The following MSRA variants were observed in gnomAD, a reference collection of about 807,000 sequenced individuals.
The protein encoded by MSRA is methionine sulfoxide reductase A.
A neutral mutation model predicts 31.3 loss-of-function variants in MSRA; 54 were observed. The observed-to-expected ratio is 1.73, with a 90% CI of 1.39 to 2.17. The LOEUF (loss-of-function observed/expected upper bound fraction) is 2.17. Among genes scored for constraint, MSRA ranks in the 30% most tolerant of loss-of-function variants. MSRA has a pLI of 0.00. For missense variants in MSRA, 507 were observed against 300.9 expected, an observed-to-expected ratio of 1.69 and a Z score of -5.07; for synonymous variants, 169 against 116.5, an observed-to-expected ratio of 1.45 and a Z score of -2.90.
intron 3 of MSRA, among the ~76,000 whole-genome samples, chr8:10,286,395 T>C (rs553862775): frequency 2.0e-5 from 3 of 152,172 alleles, no homozygotes; most frequent in Non-Finnish European, 4.4e-5. Flanking sequence ...AAGGGGAGTT[T>C]CCCTGCACAA....
chr8:10,213,668 C>A (rs1190898313), intron 2 of MSRA, among the ~76,000 whole-genome samples: 3 of 151,902 alleles, frequency 2.0e-5, no homozygotes, highest in African/African-American at 4.8e-5. Flanking sequence ...GATCTCCTGA[C>A]CTCGTGATCT....
At chr8:10,244,948 C>T (rs995228005) in intron 2 of MSRA, among the ~76,000 whole-genome samples, 156 bp from the exon 3 acceptor site, 1 of 152,040 alleles carries the variant, frequency 6.6e-6, no homozygotes, top group African/African-American at 2.4e-5. Flanking sequence ...GTTAAGAACT[C>T]TCCTTCTTTA....
intron 5 of MSRA, among the ~76,000 whole-genome samples, chr8:10,356,156 G>T (rs1240362921): frequency 6.6e-6 from 1 of 152,216 alleles, no homozygotes; most frequent in African/African-American, 2.4e-5. Context: ...GGTAACGGTA[G>T]TTGGCAGCCT....
chr8:10,201,088 A>G (rs532336228), intron 1 of MSRA, among the ~76,000 whole-genome samples: 1 of 152,242 alleles, frequency 6.6e-6, no homozygotes, highest in South Asian at 2.1e-4. Context: ...AGAAACAGAT[A>G]AGAAGAGGGA....
chr8:10,154,373 T>C (rs538910636), intron 1 of MSRA, among the ~76,000 whole-genome samples: 3 of 152,096 alleles, frequency 2.0e-5, no homozygotes, highest in South Asian at 2.1e-4. Flanking sequence ...GTTTTTTTTT[T>C]CTTTTCTTTC....
chr8:10,254,614 ACAG>A (rs1463290609), intron 3 of MSRA, among the ~76,000 whole-genome samples: 1 of 152,126 alleles, frequency 6.6e-6, no homozygotes, highest in Non-Finnish European at 1.5e-5. Flanking sequence ...TGCCCCTTAC[ACAG>A]GTGCCAGGGG....
intron 1 of MSRA, among the ~76,000 whole-genome samples, chr8:10,094,642 A>T (rs1314786020): frequency 2.0e-5 from 3 of 152,204 alleles, no homozygotes; most frequent in Admixed American, 2.0e-4. Context: ...CTATGAAACG[A>T]TGATTCTAGA....
chr8:10,278,112 T>C (rs1389310335), intron 3 of MSRA, among the ~76,000 whole-genome samples: 1 of 152,198 alleles, frequency 6.6e-6, no homozygotes, highest in Non-Finnish European at 1.5e-5. Flanking sequence ...TTATTTATTC[T>C]ACAGATATCA....
intron 1 of MSRA, among the ~76,000 whole-genome samples, chr8:10,086,589 C>G (rs903049443): frequency 6.6e-6 from 1 of 152,168 alleles, no homozygotes; most frequent in African/African-American, 2.4e-5. Context: ...ACCTATTTTC[C>G]TCCAAAGCTT....
intron 5 of MSRA, among the ~76,000 whole-genome samples, chr8:10,371,323 G>T (rs79664008): frequency 2.0e-4 from 30 of 151,950 alleles, no homozygotes; most frequent in Non-Finnish European, 3.2e-4. Context: ...CTTCCTGAGC[G>T]CGCTCTCATG....
In MSRA at chr8:10,388,549, C is replaced by T. The variant is rs539050815; in HGVS notation, c.544-39599C>T. ...CCTGCGTGAGCTTCGAAAAATCCTG[C>T]AAGATGGGAGACATCCGATCTCTCA... On this transcript the variant is annotated intron_variant, in intron 5 of 5. Coordinates refer to ENST00000317173, the MANE Select transcript of MSRA (RefSeq NM_012331.5). Among the ~76,000 whole-genome samples the T allele has an allele frequency of 4.6e-5, 7 of 152,298 alleles. No individual in the cohort carries two copies. The South Asian group carries it at 1.2e-3, about 27-fold the overall frequency.
At chr8:10,171,267 C>T (rs1362107850) in intron 1 of MSRA, among the ~76,000 whole-genome samples, 1 of 152,070 alleles carries the variant, frequency 6.6e-6, no homozygotes, top group Non-Finnish European at 1.5e-5. Flanking sequence ...CTTCTATGTG[C>T]CATTCCTCTT....
chr8:10,151,166 C>G (rs74862724), intron 1 of MSRA, among the ~76,000 whole-genome samples: 1 of 150,134 alleles, frequency 6.7e-6, no homozygotes. Flanking sequence ...GGAGGTGAGC[C>G]GAGCTCACCA....
intron 1 of MSRA, among the ~76,000 whole-genome samples, chr8:10,157,694 A>C (rs769413090): frequency 6.6e-6 from 1 of 152,114 alleles, no homozygotes; most frequent in Non-Finnish European, 1.5e-5. Flanking sequence ...TCCCTCATTT[A>C]TACTTTGTTC....
intron 1 of MSRA, among the ~76,000 whole-genome samples, chr8:10,115,869 A>C (rs1378154247): frequency 6.6e-6 from 1 of 152,238 alleles, no homozygotes; most frequent in African/African-American, 2.4e-5. Context: ...TAGAAAACAC[A>C]CAAAAATGTA....
intron 4 of MSRA, among the ~76,000 whole-genome samples, chr8:10,305,409 C>CTTTTTTTTTTTTTTTTTTTTTTTTTTTT (rs549346544): frequency 8.1e-6 from 1 of 122,968 alleles, no homozygotes; most frequent in Non-Finnish European, 1.6e-5. Flanking sequence ...TGTTTTCTTC[C>CTTTTTTTTTTTTTTTTTTTTTTTTTTTT]TTTTTTTTTT....
rs1236856234 is a variant in MSRA, at chr8:10,319,943, C to T, written c.497C>T (p.Ala166Val). The T allele has an allele frequency of 6.2e-7, 1 of 1,602,322 alleles. No individual in the cohort carries two copies. Among genetic ancestry groups the T allele is most frequent in the Admixed American group, 1.7e-5 (1 of 58,400 alleles). The stretch of plus-strand genomic sequence containing the variant: ...CGCTCGGCCATCTACCCGACCTCTG[C>T]CAAGCAAATGGAGGCAGCCCTGAGC... ...QYRSAIYPTS[A>V]KQMEAALSSK... The change falls in exon 5 of 6, where the codon GCC (alanine) becomes GTC (valine). Residue 166 changes from alanine to valine, a missense_variant. Physicochemically the swap from Ala to Val is moderately conservative, Grantham distance 64 (BLOSUM62 0). Transcript: ENST00000317173.
At chr8:10,393,379 G>C (rs1317334046) in intron 5 of MSRA, among the ~76,000 whole-genome samples, 2 of 152,198 alleles carry the variant, frequency 1.3e-5, no homozygotes, top group African/African-American at 4.8e-5. Flanking sequence ...AAATCCTGCT[G>C]GGAGGCTGAG....
At chr8:10,350,056 G>C (rs796411489) in intron 5 of MSRA, among the ~76,000 whole-genome samples, 8 of 152,362 alleles carry the variant, frequency 5.3e-5, no homozygotes, top group African/African-American at 1.9e-4. Flanking sequence ...AGAGACCTCG[G>C]ATTGTACTTG....
Sources: allele counts gnomAD v4.1 joint callset (sites outside exome capture counted in the v4.1 genomes callset), GRCh38; gene constraint gnomAD v4.1.1; transcripts MANE v1.5; gene names NCBI Gene and HGNC (gene_info 2026-07-23, HGNC 2026-07-21).